The following RIN2 variants were observed in gnomAD, a reference collection of about 807,000 sequenced individuals.
The protein encoded by RIN2 is RAB5 interacting protein 2.
Under a neutral mutation model 78.0 loss-of-function variants are expected in RIN2, and 36 were observed. The ratio of observed to expected loss-of-function variants is 0.46; its 90% CI spans 0.35 to 0.61. The LOEUF is 0.61. Among genes scored for constraint, RIN2 ranks in the 20% least tolerant of loss-of-function variants. The pLI, the probability that RIN2 is intolerant of heterozygous loss-of-function variation, is 0.00. For synonymous variants in RIN2, 466 were observed against 466.8 expected, an observed-to-expected ratio of 1.00 and a Z score of 0.02; for missense variants, 1,087 against 1,159.7, an observed-to-expected ratio of 0.94 and a Z score of 0.91.
chr20:19,895,460 G>T (rs1225704796), intron 3 of RIN2, among the ~76,000 whole-genome samples: 1 of 152,134 alleles, frequency 6.6e-6, no homozygotes, highest in Admixed American at 6.6e-5. Context: ...TTTCTAAGTG[G>T]CTGCCTTCTA....
At chr20:19,915,626 C>T (rs1362182771) in intron 3 of RIN2, among the ~76,000 whole-genome samples, 8 of 152,226 alleles carry the variant, frequency 5.3e-5, no homozygotes, top group Admixed American at 3.9e-4. Flanking sequence ...GAGGAACAAA[C>T]CTTTGCATTT....
intron 3 of RIN2, among the ~76,000 whole-genome samples, chr20:19,911,028 A>G (rs1173366997): frequency 6.6e-6 from 1 of 151,722 alleles, no homozygotes; most frequent in Non-Finnish European, 1.5e-5. Flanking sequence ...ACATACACAC[A>G]CATATGCAGA....
chr20:19,784,827 G>A (rs547082142), intron 1 of RIN2, among the ~76,000 whole-genome samples: 11 of 152,274 alleles, frequency 7.2e-5, no homozygotes, highest in African/African-American at 2.6e-4. Context: ...GCCCCATCCT[G>A]AGTGGGAATA....
intron 2 of RIN2, among the ~76,000 whole-genome samples, chr20:19,822,068 T>C (rs1422628013): frequency 1.3e-5 from 2 of 152,180 alleles, no homozygotes; most frequent in Non-Finnish European, 2.9e-5. Flanking sequence ...TATTTTTGTC[T>C]CCAGAATCTT....
chr20:19,785,277 C>G (rs1214944963), intron 1 of RIN2, among the ~76,000 whole-genome samples: 1 of 137,834 alleles, frequency 7.3e-6, no homozygotes, highest in Non-Finnish European at 1.6e-5. Context: ...CCTCTACATA[C>G]ACACACACAC....
At chr20:19,763,781 CA>C (rs1011311388) in intron 1 of RIN2, among the ~76,000 whole-genome samples, 4 of 152,122 alleles carry the variant, frequency 2.6e-5, no homozygotes, top group African/African-American at 9.7e-5. Flanking sequence ...GCCCCTGATT[CA>C]GTTTGATGTA....
intron 11 of RIN2, among the ~76,000 whole-genome samples, chr20:19,996,053 G>T (rs1369037798): frequency 1.3e-5 from 2 of 151,430 alleles, no homozygotes; most frequent in Non-Finnish European, 3.0e-5. Flanking sequence ...TGGTGGTCAT[G>T]CCTGTAATCC....
intron 1 of RIN2, among the ~76,000 whole-genome samples, chr20:19,791,487 C>T (rs2034888550): frequency 1.3e-5 from 2 of 152,046 alleles, no homozygotes; most frequent in Non-Finnish European, 2.9e-5. Flanking sequence ...GAGATGTGCC[C>T]CCTGCCTCAG....
intron 4 of RIN2, among the ~76,000 whole-genome samples, chr20:19,940,255 G>A (rs1798318593): frequency 6.6e-6 from 1 of 152,144 alleles, no homozygotes; most frequent in African/African-American, 2.4e-5. Context: ...GACAGTATCT[G>A]GCATAGAGCA....
intron 2 of RIN2, among the ~76,000 whole-genome samples, chr20:19,849,721 T>C (rs1293344677): frequency 6.6e-6 from 1 of 152,062 alleles, no homozygotes; most frequent in East Asian, 1.9e-4. Context: ...TTCAGCTGAC[T>C]CCCAAAAGGA....
intron 2 of RIN2, among the ~76,000 whole-genome samples, chr20:19,810,315 T>A (rs2122790982): frequency 6.6e-6 from 1 of 150,392 alleles, no homozygotes. Context: ...GGCTGAGGCA[T>A]GAGAATCACT....
At chr20:19,971,185 ATTTTT>A (rs11461198) in intron 8 of RIN2, among the ~76,000 whole-genome samples, 14 of 148,510 alleles carry the variant, frequency 9.4e-5, no homozygotes, top group African/African-American at 3.5e-4. Context: ...CGCGTGCATG[ATTTTT>A]TTTTTTTGAG....
chr20:19,932,376 T>C (rs1000628093), intron 3 of RIN2, among the ~76,000 whole-genome samples: 1 of 152,208 alleles, frequency 6.6e-6, no homozygotes, highest in Non-Finnish European at 1.5e-5. Flanking sequence ...TTAGCCAGTC[T>C]GTAGTATTCT....
rs756921810 is a variant in RIN2 at position 19,974,928 on chromosome 20, G to T, written c.903G>T (p.Thr301=). The T allele has an allele frequency of 9.3e-6, 15 of 1,613,610 alleles. No homozygotes were observed. The highest frequency in any genetic ancestry group is 5.3e-5 in the African/African-American group (4 of 74,920). Residue 301 remains threonine (T), a synonymous_variant, in exon 9 of 13, where the codon ACG becomes ACT. Transcript: ENST00000255006. ...CAAGGACTCCCAACGCGAATGGCACGGAGCGGACTCGGTCCCCCCCACCCA... is the reference window on the plus strand; with the variant it reads ...CAAGGACTCCCAACGCGAATGGCACTGAGCGGACTCGGTCCCCCCCACCCA... ...PSTRTPNANG[T]ERTRSPPPRP... is the part of the protein sequence containing the mutation.
intron 3 of RIN2, chr20:19,934,495 C>T (rs2040556944): frequency 6.1e-6 from 6 of 985,346 alleles, no homozygotes; most frequent in African/African-American, 1.7e-5. Context: ...GGCCCACTCC[C>T]CTCCTCCCCA....
At chr20:19,949,317 G>T (rs2041221845) in intron 4 of RIN2, among the ~76,000 whole-genome samples, 1 of 152,168 alleles carries the variant, frequency 6.6e-6, no homozygotes, top group Admixed American at 6.5e-5. Flanking sequence ...GCTCGGCTTA[G>T]TGAAGGTGTG....
chr20:19,824,648 CTG>C (rs2036030665), intron 2 of RIN2, among the ~76,000 whole-genome samples: 1 of 152,150 alleles, frequency 6.6e-6, no homozygotes, highest in Non-Finnish European at 1.5e-5. Flanking sequence ...GTGACATGGA[CTG>C]TGTAACCATT....
chr20:19,889,768 C>T (rs543683395), intron 3 of RIN2, 110 bp downstream of exon 3: 24 of 831,208 alleles, frequency 2.9e-5, no homozygotes, highest in Middle Eastern at 6.2e-4. Flanking sequence ...GAGCCAGCAC[C>T]GGCTAAGGGA....
chr20:19,920,322 T>C (rs2039866475), intron 3 of RIN2, among the ~76,000 whole-genome samples: 3 of 150,846 alleles, frequency 2.0e-5, no homozygotes, highest in Non-Finnish European at 4.4e-5. Context: ...AGGAAAAACT[T>C]CATCCCTTGT....
Sources: allele counts gnomAD v4.1 joint callset (sites outside exome capture counted in the v4.1 genomes callset), GRCh38; gene constraint gnomAD v4.1.1; transcripts MANE v1.5; gene names NCBI Gene and HGNC (gene_info 2026-07-23, HGNC 2026-07-21).